Variants in CHSY1 observed in about 807,000 individuals in gnomAD.
CHSY1 encodes N-acetylgalactosaminyl-proteoglycan 3-beta-glucuronosyltransferase 1.
In CHSY1, 13 loss-of-function variants were observed where a neutral mutation model predicts 59.8. The observed-to-expected ratio is 0.22, with a 90% CI of 0.14 to 0.35. The LOEUF (loss-of-function observed/expected upper bound fraction) is 0.35. CHSY1 is among the 10% of genes least tolerant of loss of function. The pLI is 1.00. For missense variants in CHSY1, 947 were observed against 1,030.6 expected (o/e 0.92, Z 1.11); for synonymous variants, 459 against 401.2 (o/e 1.14, Z -1.72).
At chr15:101,216,928 G>T (rs1385868379) in intron 2 of CHSY1, among the ~76,000 whole-genome samples, 1 of 152,332 alleles carries the variant, frequency 6.6e-6, no homozygotes, top group East Asian at 1.9e-4. Context: ...TCCCAGGATG[G>T]AATGCAGAGT....
chr15:101,201,586 G>C (rs1216660585), intron 2 of CHSY1, among the ~76,000 whole-genome samples: 4 of 152,214 alleles, frequency 2.6e-5, no homozygotes, highest in Non-Finnish European at 5.9e-5. Flanking sequence ...GGGAGGAGAG[G>C]AGGCAGGAAG....
At position 101,244,449 on chromosome 15, in the gene CHSY1, G is replaced by A. The variant is rs994325552; in HGVS notation, c.320+6688C>T. 2.5e-4 allele frequency among the ~76,000 whole-genome samples: 38 copies of A among 152,160 alleles called. 1 individual carries two copies. The highest frequency in any genetic ancestry group is 2.3e-3 in the Admixed American group (35 of 15,280). ...AACGGGCTGCAGCTCTGTGCCTAGC[G>A]GACCTCCACACCAGCAGCCTAACGT... On this transcript the variant is annotated intron_variant, in intron 1 of 2. Coordinates refer to ENST00000254190, the MANE Select transcript of CHSY1 (RefSeq NM_014918.5).
Position 101,177,237 on chromosome 15 carries a change from T to C in CHSY1, c.*151A>G, listed in dbSNP as rs946740036. 18 of 680,098 alleles carry C rather than the reference T, an allele frequency of 2.6e-5. No individual in the cohort carries two copies. Among genetic ancestry groups the C allele is most frequent in the Non-Finnish European group, 3.8e-5 (16 of 416,818 alleles). The allele number at this position is 680,098 out of a possible 1,614,324, so 42.1% of individuals were successfully genotyped here. On this transcript the variant is annotated 3_prime_UTR_variant, in exon 3 of 3. Coordinates refer to ENST00000254190, the MANE Select transcript of CHSY1 (RefSeq NM_014918.5). Reference sequence around the variant, plus strand: ...CAAAGGCAAACACTGATCACCTTCTTGTTCAGAAAGCTCAATCTTAAAGGA... The same window carrying C: ...CAAAGGCAAACACTGATCACCTTCTCGTTCAGAAAGCTCAATCTTAAAGGA...
intron 2 of CHSY1, chr15:101,188,084 T>C (rs1417866332): frequency 7.1e-6 from 7 of 985,370 alleles, no homozygotes; most frequent in Non-Finnish European, 8.4e-6. Flanking sequence ...GTTAACTGTT[T>C]ACATGACTGT....
At chr15:101,234,366 G>C (rs1354059412) in intron 2 of CHSY1, among the ~76,000 whole-genome samples, 1 of 152,132 alleles carries the variant, frequency 6.6e-6, no homozygotes, top group Admixed American at 6.5e-5. Flanking sequence ...AATCTGTGTA[G>C]GTCATTATGA....
Position 101,177,380 on chromosome 15 carries a change from G to A in CHSY1, c.*8C>T. ...AATTAAAAACGTCTTTTCCAGCAAA[G>A]CTGGACATTAGGCTGTCCTCACTGA... On this transcript the variant is annotated 3_prime_UTR_variant, in exon 3 of 3. Transcript: ENST00000254190. 2 of 1,599,470 alleles carry A rather than the reference G, an allele frequency of 1.3e-6. No homozygotes were observed. Among genetic ancestry groups the A allele is most frequent in the Non-Finnish European group, 8.5e-7 (1 of 1,175,996 alleles).
chr15:101,178,238 G>T lies in CHSY1; in HGVS notation c.1559C>A (p.Pro520His). ...TTCTTTGTGCTCACTCTTCGACCCAGGGAGCTGAAAGGGGACGAGCTTCTT... is the reference window on the plus strand; with the variant it reads ...TTCTTTGTGCTCACTCTTCGACCCATGGAGCTGAAAGGGGACGAGCTTCTT... ...SLKKLVPFQLPGSKSEHKEPK... is the reference protein window; with the variant it reads ...SLKKLVPFQLHGSKSEHKEPK... Residue 520 changes from proline (P) to histidine (H), a missense_variant, in exon 3 of 3, where the codon CCT becomes CAT. This residue lies in a region of CHSY1 where 602 missense variants were observed against 676.9 expected (regional missense o/e 0.89). Transcript: ENST00000254190. 1.9e-6 allele frequency: 3 copies of T among 1,614,200 alleles called. No individual in the cohort carries two copies. The South Asian group carries it at 3.3e-5, about 18-fold the overall frequency.
At chr15:101,247,357 ACT>A (rs1296173370) in intron 1 of CHSY1, among the ~76,000 whole-genome samples, 4 of 151,052 alleles carry the variant, frequency 2.6e-5, no homozygotes, top group Non-Finnish European at 5.9e-5. Context: ...CTCTCTCCAA[ACT>A]CTTCCCTAAT....
At chr15:101,212,545 T>C (rs989112138) in intron 2 of CHSY1, among the ~76,000 whole-genome samples, 17 of 152,210 alleles carry the variant, frequency 1.1e-4, no homozygotes, top group African/African-American at 3.9e-4. Context: ...TCCATTTATA[T>C]TAAGTTAGAG....
rs771613004 is a variant in CHSY1, at chr15:101,235,346, G to A, written c.552C>T (p.Phe184=). The change falls in exon 2 of 3, where the codon TTC becomes TTT. Residue 184 remains phenylalanine, a synonymous_variant. Transcript: ENST00000254190. ...GCTCGCTGCTGTTCAAACTCCTCAG[G>A]AAGTTCTCCAGACGGTCTCCTTTGA... The part of the protein sequence containing the change: ...VYIKGDRLEN[F]LRSLNSSEPL... The A allele has an allele frequency of 2.5e-6, 4 of 1,614,188 alleles. No homozygotes were observed. The South Asian group carries it at 3.3e-5, about 13-fold the overall frequency.
intron 2 of CHSY1, chr15:101,186,876 G>A (rs2038377049): frequency 6.6e-6 from 1 of 152,234 alleles, no homozygotes; most frequent in Non-Finnish European, 1.5e-5. Flanking sequence ...CATTGTACTA[G>A]ACAGAGGATC....
intron 2 of CHSY1, chr15:101,188,265 G>A: frequency 1.2e-6 from 1 of 834,820 alleles, no homozygotes; most frequent in Non-Finnish European, 1.4e-6. Context: ...AATGTCAAGA[G>A]ACCGTAACTG....
At chr15:101,224,558 T>G (rs2038821099) in intron 2 of CHSY1, among the ~76,000 whole-genome samples, 1 of 152,166 alleles carries the variant, frequency 6.6e-6, no homozygotes, top group Non-Finnish European at 1.5e-5. Flanking sequence ...GAGAAGCCTG[T>G]CAACAGCGCA....
chr15:101,187,145 T>A (rs2038380704), intron 2 of CHSY1, among the ~76,000 whole-genome samples: 2 of 152,212 alleles, frequency 1.3e-5, no homozygotes, highest in African/African-American at 2.4e-5. Context: ...AACAGTTCAT[T>A]TTAGTAACTC....
intron 2 of CHSY1, among the ~76,000 whole-genome samples, chr15:101,191,721 AC>A (rs1265017071): frequency 1.3e-5 from 2 of 152,098 alleles, no homozygotes; most frequent in African/African-American, 2.4e-5. Context: ...TTCGCTGTGA[AC>A]CTAAAGCTCC....
intron 1 of CHSY1, among the ~76,000 whole-genome samples, chr15:101,246,467 CAA>C (rs2039053654): frequency 6.7e-6 from 1 of 149,482 alleles, no homozygotes; most frequent in African/African-American, 2.5e-5. Context: ...AGATGAATAA[CAA>C]AGGGGAACTT....
rs1473331994 is a variant in CHSY1 at position 101,251,584 on chromosome 15, G to A, written c.-128C>T. 8.2e-5 allele frequency: 12 copies of A among 146,874 alleles called. No individual in the cohort carries two copies. Among genetic ancestry groups the A allele is most frequent in the African/African-American group, 2.2e-4 (9 of 40,110 alleles). 9.1% of individuals were successfully genotyped at this position (146,874 alleles called of 1,614,324 possible). A position where few individuals can be genotyped will look rare whatever the true frequency, so the allele number is the denominator to read the frequency against. ...CGGCCCGGGCAGCGCCGCCGCCGCC[G>A]CGGGCCCGCCGCGCCCATCGCGGCC... On this transcript the variant is annotated 5_prime_UTR_variant, in exon 1 of 3. Coordinates refer to ENST00000254190, the MANE Select transcript of CHSY1 (RefSeq NM_014918.5).
intron 2 of CHSY1, among the ~76,000 whole-genome samples, chr15:101,198,388 T>C (rs2038531749): frequency 6.6e-6 from 1 of 152,172 alleles, no homozygotes; most frequent in African/African-American, 2.4e-5. Flanking sequence ...CTGTCTCTGC[T>C]GCGTCCTCTC....
At chr15:101,215,256 T>A (rs571439687) in intron 2 of CHSY1, among the ~76,000 whole-genome samples, 3 of 152,320 alleles carry the variant, frequency 2.0e-5, no homozygotes, top group Admixed American at 6.5e-5. Flanking sequence ...AGATAAAGAC[T>A]GTAAGTTACA....
Sources: gnomAD v4.1 joint callset for allele counts (sites outside exome capture counted in the v4.1 genomes callset) on GRCh38, gnomAD v4.1.1 for gene constraint, gnomAD v4.1.1 regional missense constraint, MANE v1.5 for transcripts, NCBI Gene and HGNC (gene_info 2026-07-23, HGNC 2026-07-21) for gene names.